The following ACTB variants were observed in gnomAD, a reference collection of about 807,000 sequenced individuals.
ACTB encodes the protein actin, cytoplasmic 1.
A neutral mutation model predicts 30.5 loss-of-function variants in ACTB; 2 were observed. That is an observed-to-expected ratio of 0.07 (90% CI 0.03 to 0.21). The LOEUF is 0.21. ACTB is among the 10% of genes least tolerant of loss of function. The pLI, the probability that ACTB is intolerant of heterozygous loss-of-function variation, is 1.00. For missense variants in ACTB, 56 were observed against 530.0 expected, an observed-to-expected ratio of 0.11 and a Z score of 8.78; for synonymous variants, 335 against 217.6, an observed-to-expected ratio of 1.54 and a Z score of -4.75.
rs749919451 is a variant in ACTB at position 5,529,559 on chromosome 7, G to C, written c.99C>G (p.Ser33=). The change falls in exon 2 of 6, where the codon TCC becomes TCG. Residue 33 remains serine (S), a synonymous_variant. Transcript: ENST00000646664. ...GDDAPRAVFP[S]IVGRPRHQGV... Reference sequence around the variant, plus strand: ...CCTGGTGCCTGGGGCGCCCCACGATGGAGGGGAAGACGGCCCGGGGGGCAT... The same window carrying C: ...CCTGGTGCCTGGGGCGCCCCACGATCGAGGGGAAGACGGCCCGGGGGGCAT... 6.2e-7 allele frequency: 1 copy of C among 1,611,636 alleles called. No individual in the cohort carries two copies. The highest frequency in any genetic ancestry group is 2.2e-5 in the East Asian group (1 of 44,864).
In ACTB at chr7:5,528,256, G is replaced by T. The variant is rs762851719; in HGVS notation, c.802+25C>A. On this transcript the variant is annotated intron_variant, in intron 4 of 5. Coordinates refer to ENST00000646664, the MANE Select transcript of ACTB (RefSeq NM_001101.5). ...CGAGGGGTAACCCTCATGTCAGGCA[G>T]AGCCGGGAGACAGTCTCCACTCACC... 3.1e-6 allele frequency: 5 copies of T among 1,613,692 alleles called. No individual in the cohort carries two copies. In the South Asian group the frequency reaches 5.5e-5, roughly 18 times the overall value.
At chr7:5,529,024 G>A (rs777336066) in intron 3 of ACTB, 137 bp downstream of exon 3, 27 of 1,611,452 alleles carry the variant, frequency 1.7e-5, no homozygotes, top group East Asian at 8.9e-5. Context: ...AGAACCTGCA[G>A]AGTTCCAAAG....
At position 5,529,174 on chromosome 7, in the gene ACTB, T is replaced by C; in HGVS notation, c.350A>G (p.Glu117Gly). 6.2e-7 allele frequency: 1 copy of C among 1,613,998 alleles called. No individual in the cohort carries two copies. The highest frequency in any genetic ancestry group is 8.5e-7 in the Non-Finnish European group (1 of 1,180,002). ...CGGGCCACTCACCTGGGTCATCTTC[T>C]CGCGGTTGGCCTTGGGGTTCAGGGG... is the stretch of plus-strand genomic sequence containing the variant. ...EAPLNPKANR[E>G]KMTQIMFETF... Residue 117 changes from glutamate to glycine, a missense_variant, in exon 3 of 6, where the codon GAG (glutamate) becomes GGG (glycine). Transcript: ENST00000646664.
rs13447393 is a variant in ACTB, at chr7:5,529,972, G to A, written c.-6-309C>T. 646 of 206,930 alleles carry A rather than the reference G, an allele frequency of 3.1e-3. 6 individuals carry two copies. Among genetic ancestry groups the A allele is most frequent in the African/African-American group, 0.014 (607 of 42,324 alleles). 12.8% of individuals were successfully genotyped at this position (206,930 alleles called of 1,614,324 possible). A position where few individuals can be genotyped will look rare whatever the true frequency, so the allele number is the denominator to read the frequency against. On this transcript the variant is annotated intron_variant, in intron 1 of 5. Transcript: ENST00000646664. ...CACCCTCGGGCGGCCAGCGGCTCGG[G>A]CAGGAAGTGCGCGCAAGCGCCCGGG...
rs765697376 is a variant in ACTB at position 5,527,997 on chromosome 7, C to T, written c.984+7G>A. 1.9e-6 allele frequency: 3 copies of T among 1,613,126 alleles called. No individual in the cohort carries two copies. Among genetic ancestry groups the T allele is most frequent in the Non-Finnish European group, 1.7e-6 (2 of 1,179,194 alleles). ...CCCAGGTCAGCTCAGGCAGGAAAGA[C>T]ACCCACCTTGATCTTCATTGTGCTG... On this transcript the variant is annotated splice_region_variant and intron_variant, in intron 5 of 5. Transcript: ENST00000646664.
chr7:5,528,884 G>C, intron 3 of ACTB, 165 bp from the exon 4 acceptor site: 2 of 1,409,316 alleles, frequency 1.4e-6, no homozygotes, highest in Non-Finnish European at 2.0e-6. Flanking sequence ...CACACTCCAA[G>C]GCCGCTTTAC....
Position 5,527,638 on chromosome 7 carries a change from A to C in ACTB, c.*110T>G, listed in dbSNP as rs1299915880. The C allele has an allele frequency of 7.2e-6, 11 of 1,528,258 alleles. No homozygotes were observed. The East Asian group carries it at 2.5e-4, about 34-fold the overall frequency. 94.7% of individuals were successfully genotyped at this position (1,528,258 alleles called of 1,614,324 possible). On this transcript the variant is annotated 3_prime_UTR_variant, in exon 6 of 6. Transcript: ENST00000646664. ...TGAGTCAAGCCAAAAAAAAAAAAAA[A>C]ACCAAAACAAAACAAAAAAAACAAA...
In ACTB at chr7:5,527,351, T is replaced by A. The variant is rs1424805862; in HGVS notation, c.*397A>T. On this transcript the variant is annotated 3_prime_UTR_variant, in exon 6 of 6. Coordinates refer to ENST00000646664, the MANE Select transcript of ACTB (RefSeq NM_001101.5). ...AGTATTAAGGCGAAGATTAAAAAAA[T>A]TTTGCATTACATAATTTACACGAAA... 1 of 262,796 alleles carries A rather than the reference T, an allele frequency of 3.8e-6. No individual in the cohort carries two copies. The highest frequency in any genetic ancestry group is 3.9e-5 in the South Asian group (1 of 25,848). 16.3% of individuals were successfully genotyped at this position (262,796 alleles called of 1,614,324 possible).
chr7:5,528,921 G>C lies in ACTB; in HGVS notation c.364-202C>G, dbSNP rs1313671723. 8 of 1,476,566 alleles carry C rather than the reference G, an allele frequency of 5.4e-6. No individual in the cohort carries two copies. The South Asian group carries it at 8.5e-5, about 16-fold the overall frequency. 91.5% of individuals were successfully genotyped at this position (1,476,566 alleles called of 1,614,324 possible). ...CCAGCCTCATGGCCTTGTCACACGA[G>C]CCAGTGTTAGTACCTACACCCACAA... is the stretch of plus-strand genomic sequence containing the variant. On this transcript the variant is annotated intron_variant, in intron 3 of 5. Transcript: ENST00000646664.
rs1348096429 is a variant in ACTB at position 5,527,572 on chromosome 7, AACCG to A, written c.*172_*175del. ...GTGAACTTTGGGGGATGCTCGCTCC[AACCG>A]ACTGCTGTCACCTTCACCGTTCCAG... On this transcript the variant is annotated 3_prime_UTR_variant, in exon 6 of 6. Transcript: ENST00000646664. 9.5e-7 allele frequency: 1 copy of A among 1,057,040 alleles called. No homozygotes were observed. The highest frequency in any genetic ancestry group is 1.4e-6 in the Non-Finnish European group (1 of 727,272). The allele number at this position is 1,057,040 out of a possible 1,614,324, so 65.5% of individuals were successfully genotyped here. A position where few individuals can be genotyped will look rare whatever the true frequency, so the allele number is the denominator to read the frequency against.
intron 3 of ACTB, 199 bp downstream of exon 3, chr7:5,528,962 C>G (rs1784823115): frequency 1.9e-6 from 3 of 1,551,918 alleles, no homozygotes; most frequent in South Asian, 1.2e-5. Flanking sequence ...TCTTAGACAC[C>G]TAGTCAGAGA....
chr7:5,529,659 G>C lies in ACTB; in HGVS notation c.-2C>G, dbSNP rs1406427507. 8 of 1,610,692 alleles carry C rather than the reference G, an allele frequency of 5.0e-6. No individual in the cohort carries two copies. In the African/African-American group the frequency reaches 6.7e-5, roughly 13 times the overall value. ...GAGCGCGGCGATATCATCATCCATG[G>C]TGAGCTGCGAGAATAGCCGGGCGCG... On this transcript the variant is annotated 5_prime_UTR_variant, in exon 2 of 6. Coordinates refer to ENST00000646664, the MANE Select transcript of ACTB (RefSeq NM_001101.5).
rs3206243 is a variant in ACTB, at chr7:5,527,315, C to T, written c.*433G>A. 1 of 250,754 alleles carries T rather than the reference C, an allele frequency of 4.0e-6. No individual in the cohort carries two copies. Among genetic ancestry groups the T allele is most frequent in the Non-Finnish European group, 7.9e-6 (1 of 126,426 alleles). 15.5% of individuals were successfully genotyped at this position (250,754 alleles called of 1,614,324 possible). On this transcript the variant is annotated 3_prime_UTR_variant, in exon 6 of 6. Transcript: ENST00000646664. ...CGAAGGCTCATCATTCAAAATAAAACAAAATAAAAAAGTATTAAGGCGAAG... is the reference window on the plus strand; with the variant it reads ...CGAAGGCTCATCATTCAAAATAAAATAAAATAAAAAAGTATTAAGGCGAAG...
At chr7:5,529,817 A>C (rs1784846812) in intron 1 of ACTB, 154 bp from the exon 2 acceptor site, 1 of 1,283,370 alleles carries the variant, frequency 7.8e-7, no homozygotes, top group Admixed American at 2.0e-5. Flanking sequence ...ATAAAAGGCA[A>C]ACACTGGTCG....
chr7:5,529,466 C>T (rs1784836257), intron 2 of ACTB, 66 bp from the exon 3 acceptor site: 2 of 1,613,262 alleles, frequency 1.2e-6, no homozygotes, highest in Admixed American at 3.3e-5. Flanking sequence ...CCGGGAGGCT[C>T]CTGTGCAGAG....
At position 5,528,630 on chromosome 7, in the gene ACTB, G is replaced by A. The variant is rs150837984; in HGVS notation, c.453C>T (p.Ile151=). The A allele has an allele frequency of 2.0e-4, 319 of 1,614,046 alleles. 1 individual carries two copies. In the East Asian group the frequency reaches 2.7e-3, roughly 14 times the overall value. ...TGACCCCGTCACCGGAGTCCATCAC[G>A]ATGCCAGTGGTACGGCCAGAGGCGT... is the stretch of plus-strand genomic sequence containing the variant. ...SLYASGRTTG[I]VMDSGDGVTH... The change falls in exon 4 of 6, where the codon ATC becomes ATT. Residue 151 remains isoleucine (I), a synonymous_variant. Coordinates refer to ENST00000646664, the MANE Select transcript of ACTB (RefSeq NM_001101.5).
Position 5,529,490 on chromosome 7 carries a change from C to T in ACTB, c.123+45G>A, listed in dbSNP as rs780715705. 3.1e-6 allele frequency: 5 copies of T among 1,612,258 alleles called. No homozygotes were observed. In the South Asian group the frequency reaches 4.4e-5, roughly 14 times the overall value. On this transcript the variant is annotated intron_variant, in intron 2 of 5. Coordinates refer to ENST00000646664, the MANE Select transcript of ACTB (RefSeq NM_001101.5). The stretch of plus-strand genomic sequence containing the variant: ...TCCTGTGCAGAGAAAGCGCCCTTGC[C>T]TCCCGCCCGCTCCCGGGGCTGCCCC...
rs565468236 is a variant in ACTB at position 5,527,316 on chromosome 7, A to G, written c.*432T>C. 155 of 256,796 alleles carry G rather than the reference A, an allele frequency of 6.0e-4. No individual in the cohort carries two copies. The highest frequency in any genetic ancestry group is 3.5e-3 in the African/African-American group (151 of 42,678). The allele number at this position is 256,796 out of a possible 1,614,324, so 15.9% of individuals were successfully genotyped here. On this transcript the variant is annotated 3_prime_UTR_variant, in exon 6 of 6. Coordinates refer to ENST00000646664, the MANE Select transcript of ACTB (RefSeq NM_001101.5). ...GAAGGCTCATCATTCAAAATAAAAC[A>G]AAATAAAAAAGTATTAAGGCGAAGA... is the stretch of plus-strand genomic sequence containing the variant.
chr7:5,529,103 G>C (rs531876233), intron 3 of ACTB, 58 bp downstream of exon 3: 1 of 1,613,584 alleles, frequency 6.2e-7, no homozygotes, highest in Non-Finnish European at 8.5e-7. Context: ...AAAGGGCGCA[G>C]CTCCGGGAGG....
Sources: allele counts gnomAD v4.1 joint callset, GRCh38; gene constraint gnomAD v4.1.1; transcripts MANE v1.5; gene names NCBI Gene and HGNC (gene_info 2026-07-23, HGNC 2026-07-21).